KLF16: variants seen among roughly 807,000 people sequenced by gnomAD.
KLF16 encodes the protein Krueppel-like factor 16.
A neutral mutation model predicts 6.1 loss-of-function variants in KLF16; 6 were observed. The ratio of observed to expected loss-of-function variants is 0.98; its 90% CI spans 0.54 to 1.93. KLF16 has a LOEUF of 1.93. Ranked by LOEUF, KLF16 falls within the 30% of genes most tolerant of loss-of-function variation. The pLI, the probability that KLF16 is intolerant of heterozygous loss-of-function variation, is 0.01. For missense variants in KLF16, 355 were observed against 363.8 expected (o/e 0.98, Z 0.20); for synonymous variants, 211 against 176.5 (o/e 1.20, Z -1.55).
intron 1 of KLF16, among the ~76,000 whole-genome samples, chr19:1,856,406 CA>C (rs1350147963): frequency 3.9e-5 from 6 of 152,160 alleles, no homozygotes; most frequent in African/African-American, 7.2e-5. Flanking sequence ...ACACCCTCAG[CA>C]AAACAAGACT....
At chr19:1,874,026 C>T in the KLF16 span, among the ~76,000 whole-genome samples, 1 of 152,194 alleles carries the variant, frequency 6.6e-6, no homozygotes, top group South Asian at 2.1e-4. Context: ...GAGGGGCGGC[C>T]CCAAATACTT....
At chr19:1,875,417 C>G in the KLF16 span, 1 of 152,224 alleles carries the variant, frequency 6.6e-6, no homozygotes, top group Non-Finnish European at 1.5e-5. Flanking sequence ...CAGAAACGCA[C>G]GTAGATGTTC....
upstream of KLF16, among the ~76,000 whole-genome samples, chr19:1,867,231 G>A (rs947622779): frequency 4.6e-5 from 7 of 152,280 alleles, no homozygotes; most frequent in East Asian, 1.9e-4. Context: ...CATAACCGGG[G>A]GTGCACCCAC....
rs1011187066 is a variant in KLF16 at position 1,857,066 on chromosome 19, G to T, written c.458-2306C>A. ...AGCCCCAGCCGGCCCCGCTCACGTG[G>T]TCCCACTCCCGCCGGGGCCAGGGGG... On this transcript the variant is annotated intron_variant, in intron 1 of 1. Transcript: ENST00000250916. The surrounding 1 kb of genome is among the most constrained non-coding windows in gnomAD (Gnocchi z 4.7). 2.0e-5 allele frequency among the ~76,000 whole-genome samples: 3 copies of T among 151,168 alleles called. No homozygotes were observed. Among genetic ancestry groups the T allele is most frequent in the South Asian group, 2.1e-4 (1 of 4,800 alleles).
Position 1,857,949 on chromosome 19 carries a change from C to T in KLF16, c.458-3189G>A, listed in dbSNP as rs1660879128. 6.6e-6 allele frequency among the ~76,000 whole-genome samples: 1 copy of T among 151,980 alleles called. No homozygotes were observed. Among genetic ancestry groups the T allele is most frequent in the African/African-American group, 2.4e-5 (1 of 41,342 alleles). On this transcript the variant is annotated intron_variant, in intron 1 of 1. Transcript: ENST00000250916. This position sits in a 1 kb window ranked among gnomAD's most constrained non-coding sequence, Gnocchi z 4.7. The stretch of plus-strand genomic sequence containing the variant: ...GGGGAACACTGGTGGTGAGGCCCTG[C>T]CAGCCTGGGGGTGGGGTCTCGAATA...
At position 1,863,383 on chromosome 19, in the gene KLF16, C is replaced by A; in HGVS notation, c.115G>T (p.Ala39Ser). 1.0e-6 allele frequency: 1 copy of A among 983,426 alleles called. No individual in the cohort carries two copies. Among genetic ancestry groups the A allele is most frequent in the Non-Finnish European group, 1.2e-6 (1 of 830,710 alleles). 60.9% of individuals were successfully genotyped at this position (983,426 alleles called of 1,614,324 possible). A position where few individuals can be genotyped will look rare whatever the true frequency, so the allele number is the denominator to read the frequency against. Residue 39 changes from alanine (A) to serine (S), a missense_variant, in exon 1 of 2, where the codon GCC becomes TCC. Coordinates refer to ENST00000250916, the MANE Select transcript of KLF16 (RefSeq NM_031918.4). Reference sequence around the variant, plus strand: ...CGCGCCGCGCGCACATCCAGGCCGGCGGCGGGGCCCGCGCCCTCGGGGCCG... The same window carrying A: ...CGCGCCGCGCGCACATCCAGGCCGGAGGCGGGGCCCGCGCCCTCGGGGCCG... The part of the protein sequence containing the change: ...RPGPEGAGPA[A>S]GLDVRAARRE...
chr19:1,875,373 T>C, the KLF16 span: 1 of 152,208 alleles, frequency 6.6e-6, no homozygotes, highest in Non-Finnish European at 1.5e-5. Context: ...CTACGTTAAG[T>C]ATAAGAGCCC....
chr19:1,870,688 G>GA, the KLF16 span, among the ~76,000 whole-genome samples: 2 of 151,900 alleles, frequency 1.3e-5, no homozygotes, highest in African/African-American at 4.8e-5. Flanking sequence ...AAAAAAGAAA[G>GA]AAAAAAAGAA....
intron 1 of KLF16, among the ~76,000 whole-genome samples, chr19:1,855,177 G>A (rs1257578543): frequency 6.6e-6 from 1 of 152,206 alleles, no homozygotes; most frequent in African/African-American, 2.4e-5. Context: ...CGGCCTTCAG[G>A]CTGTCCCTGC....
In KLF16 at chr19:1,854,316, C is replaced by T; in HGVS notation, c.*143G>A. The T allele has an allele frequency of 1.9e-6, 2 of 1,058,222 alleles. No homozygotes were observed. The highest frequency in any genetic ancestry group is 2.5e-6 in the Non-Finnish European group (2 of 800,598). 65.6% of individuals were successfully genotyped at this position (1,058,222 alleles called of 1,614,324 possible). On this transcript the variant is annotated 3_prime_UTR_variant, in exon 2 of 2. Coordinates refer to ENST00000250916, the MANE Select transcript of KLF16 (RefSeq NM_031918.4). ...AGGCAGACCCAGGTCCAGTCTCAGGCCCCCTCCTCACTCTCTGGAGGGGGG... is the reference window on the plus strand; with the variant it reads ...AGGCAGACCCAGGTCCAGTCTCAGGTCCCCTCCTCACTCTCTGGAGGGGGG...
rs7255210 is a variant in KLF16, at chr19:1,857,879, T to A, written c.458-3119A>T. Among the ~76,000 whole-genome samples the A allele has an allele frequency of 0.27, 40,660 of 151,844 alleles. 6,168 individuals are homozygous for A. Among genetic ancestry groups the A allele is most frequent in the African/African-American group, 0.41 (16,873 of 41,370 alleles). On this transcript the variant is annotated intron_variant, in intron 1 of 1. Transcript: ENST00000250916. This position sits in a 1 kb window ranked among gnomAD's most constrained non-coding sequence, Gnocchi z 4.7. ...CTGAAGGTGATCCTTGAGCAGGTTC[T>A]ATAGAACCTATAGGCAGCTGCTTCT...
chr19:1,873,597 T>C, the KLF16 span, among the ~76,000 whole-genome samples: 3,417 of 152,336 alleles, frequency 0.022, 132 homozygotes, highest in African/African-American at 0.078. Flanking sequence ...GAGAACGCTG[T>C]TGCAGGGCTT....
intron 1 of KLF16, among the ~76,000 whole-genome samples, chr19:1,856,474 G>C (rs1251728089): frequency 6.6e-6 from 1 of 152,216 alleles, no homozygotes; most frequent in East Asian, 1.9e-4. Flanking sequence ...GGCAGCTGGA[G>C]AGGGGGAGAG....
At chr19:1,856,220 G>A (rs965222686) in intron 1 of KLF16, among the ~76,000 whole-genome samples, 2 of 152,270 alleles carry the variant, frequency 1.3e-5, no homozygotes, top group African/African-American at 2.4e-5. Context: ...CAGGGTGACC[G>A]AGTGACATCT....
chr19:1,853,141 G>A lies in KLF16; in HGVS notation c.*1318C>T, dbSNP rs1440072008. 1.3e-5 allele frequency: 2 copies of A among 150,642 alleles called. No individual in the cohort carries two copies. Among genetic ancestry groups the A allele is most frequent in the Non-Finnish European group, 2.9e-5 (2 of 67,952 alleles). 9.3% of individuals were successfully genotyped at this position (150,642 alleles called of 1,614,324 possible). On this transcript the variant is annotated 3_prime_UTR_variant, in exon 2 of 2. Transcript: ENST00000250916. ...GCCACAGCAGGACGACCGCTGACAA[G>A]GACACAAAGGTGGCCCCCGAGGAAC...
intron 1 of KLF16, among the ~76,000 whole-genome samples, chr19:1,856,951 G>GGGGGGGGGGC (rs1453766642): frequency 9.4e-6 from 1 of 106,630 alleles, no homozygotes; most frequent in Non-Finnish European, 2.1e-5. Flanking sequence ...GCAGGTTGCC[G>GGGGGGGGGGC]GGGTGGGGGG....
chr19:1,856,342 C>G (rs112775081), intron 1 of KLF16, among the ~76,000 whole-genome samples: 1 of 152,162 alleles, frequency 6.6e-6, no homozygotes, highest in African/African-American at 2.4e-5. Context: ...CCAAGAAGAG[C>G]TGGAAGAAAA....
upstream of KLF16, among the ~76,000 whole-genome samples, chr19:1,865,040 C>T (rs1310858749): frequency 6.6e-6 from 1 of 152,250 alleles, no homozygotes; most frequent in Non-Finnish European, 1.5e-5. Context: ...AGCTGACGCC[C>T]TGAGGCTGAC....
chr19:1,870,272 T>G, the KLF16 span, among the ~76,000 whole-genome samples: 1 of 151,696 alleles, frequency 6.6e-6, no homozygotes, highest in South Asian at 2.1e-4. Context: ...GATGTGGGGG[T>G]GACTGGACTG....
Sources: allele counts gnomAD v4.1 joint callset (sites outside exome capture counted in the v4.1 genomes callset), GRCh38; gene constraint gnomAD v4.1.1; non-coding constraint Gnocchi (gnomAD v3.1); transcripts MANE v1.5; gene names NCBI Gene and HGNC (gene_info 2026-07-23, HGNC 2026-07-21).